ADGRL2: variants seen among roughly 807,000 people sequenced by gnomAD.
ADGRL2 encodes the protein calcium-independent alpha-latrotoxin receptor 2.
A neutral mutation model predicts 157.4 loss-of-function variants in ADGRL2; 44 were observed. The ratio of observed to expected loss-of-function variants is 0.28; its 90% CI spans 0.22 to 0.36. The LOEUF (loss-of-function observed/expected upper bound fraction) is 0.36. Among genes scored for constraint, ADGRL2 ranks in the 10% least tolerant of loss-of-function variants. ADGRL2 has a pLI of 1.00. For synonymous variants in ADGRL2, 585 were observed against 624.7 expected (o/e 0.94, Z 0.95); for missense variants, 1,510 against 1,768.9 (o/e 0.85, Z 2.63).
chr1:81,930,452 TA>T (rs1354357537), intron 3 of ADGRL2, among the ~76,000 whole-genome samples: 1 of 152,196 alleles, frequency 6.6e-6, no homozygotes, highest in Non-Finnish European at 1.5e-5. Flanking sequence ...GTGGATGCCT[TA>T]AAAGTTAATA....
chr1:81,582,087 G>A (rs991149446), intron 3 of ADGRL2, among the ~76,000 whole-genome samples: 3 of 151,988 alleles, frequency 2.0e-5, no homozygotes, highest in African/African-American at 7.2e-5. Context: ...AGGCGTGGTG[G>A]CGCATACCTG....
chr1:81,805,595 T>G (rs1405506186), intron 1 of ADGRL2, among the ~76,000 whole-genome samples: 3 of 150,624 alleles, frequency 2.0e-5, no homozygotes, highest in Non-Finnish European at 4.4e-5. Context: ...GGATGATCCT[T>G]TTTTTTTGGA....
chr1:81,591,454 G>A (rs1439078489), intron 3 of ADGRL2, among the ~76,000 whole-genome samples: 1 of 152,102 alleles, frequency 6.6e-6, no homozygotes, highest in Non-Finnish European at 1.5e-5. Context: ...AGAGAAGAAT[G>A]TCTCTTTAAA....
intron 1 of ADGRL2, among the ~76,000 whole-genome samples, chr1:81,712,166 G>C (rs1261889159): frequency 1.3e-5 from 2 of 152,152 alleles, no homozygotes; most frequent in East Asian, 3.9e-4. Flanking sequence ...TATATGCCCA[G>C]TCAAGTAAGG....
intron 2 of ADGRL2, among the ~76,000 whole-genome samples, chr1:81,563,358 A>G (rs977081897): frequency 1.3e-5 from 2 of 152,088 alleles, no homozygotes; most frequent in African/African-American, 2.4e-5. Context: ...TTCCATTTTT[A>G]ACGGAGTTCT....
In ADGRL2 at chr1:81,906,973, TATAA is replaced by T. The variant is rs767443295; in HGVS notation, c.74-41_74-38del. ...AATGCTTTACTAAAATAATTTATCTTATAAATGAGTTACAGTTTAATTTTCTTTC... is the reference window on the plus strand; with the variant it reads ...AATGCTTTACTAAAATAATTTATCTTATGAGTTACAGTTTAATTTTCTTTC... On this transcript the variant is annotated intron_variant, in intron 2 of 23. Transcript: ENST00000686636. 44 of 1,439,048 alleles carry T rather than the reference TATAA, an allele frequency of 3.1e-5. 1 individual carries two copies. Among genetic ancestry groups the T allele is most frequent in the Non-Finnish European group, 4.0e-5 (41 of 1,031,506 alleles). 89.1% of individuals were successfully genotyped at this position (1,439,048 alleles called of 1,614,324 possible). A position where few individuals can be genotyped will look rare whatever the true frequency, so the allele number is the denominator to read the frequency against.
chr1:81,909,468 A>G (rs996947699), intron 3 of ADGRL2, among the ~76,000 whole-genome samples: 2 of 152,188 alleles, frequency 1.3e-5, no homozygotes, highest in Non-Finnish European at 1.5e-5. Flanking sequence ...TGTATCCTTC[A>G]ACGAATTATA....
intron 2 of ADGRL2, among the ~76,000 whole-genome samples, chr1:81,567,808 A>T (rs6665761): frequency 6.6e-6 from 1 of 152,090 alleles, no homozygotes; most frequent in Non-Finnish European, 1.5e-5. Flanking sequence ...AAACTAGCTG[A>T]TAGAGTAGGA....
chr1:81,671,276 A>C (rs184239623), intron 3 of ADGRL2, among the ~76,000 whole-genome samples: 1 of 152,312 alleles, frequency 6.6e-6, no homozygotes, highest in African/African-American at 2.4e-5. Context: ...TGGACAGGAA[A>C]TTTTTGGAAG....
intron 1 of ADGRL2, among the ~76,000 whole-genome samples, chr1:81,376,682 A>G (rs555387035): frequency 6.6e-6 from 1 of 151,566 alleles, no homozygotes; most frequent in Non-Finnish European, 1.5e-5. Context: ...TCCACCCCTC[A>G]ATATTTTGTG....
At chr1:81,967,836 C>T (rs1396356349) in intron 13 of ADGRL2, among the ~76,000 whole-genome samples, 190 bp from the exon 14 acceptor site, 2 of 152,064 alleles carry the variant, frequency 1.3e-5, no homozygotes, top group Non-Finnish European at 2.9e-5. Flanking sequence ...TAGAGTCTTT[C>T]GGACTATAAA....
At chr1:81,731,697 A>C (rs930272902) in intron 1 of ADGRL2, among the ~76,000 whole-genome samples, 6 of 150,042 alleles carry the variant, frequency 4.0e-5, no homozygotes, top group Non-Finnish European at 9.0e-5. Context: ...GTTTTTTTAA[A>C]TTTTGCCAGA....
chr1:81,830,473 G>A (rs2091866803), intron 1 of ADGRL2, among the ~76,000 whole-genome samples: 1 of 152,096 alleles, frequency 6.6e-6, no homozygotes, highest in Non-Finnish European at 1.5e-5. Context: ...TTCTTACTGT[G>A]TATTCTTTAT....
chr1:81,359,695 AATAGAC>A (rs1308660541), intron 1 of ADGRL2, among the ~76,000 whole-genome samples: 1 of 151,954 alleles, frequency 6.6e-6, no homozygotes, highest in East Asian at 1.9e-4. Flanking sequence ...CTAAATAGCT[AATAGAC>A]ATCTCAAATT....
Position 81,952,008 on chromosome 1 carries a change from A to G in ADGRL2, c.1660A>G (p.Thr554Ala), listed in dbSNP as rs1303997544. 1.9e-6 allele frequency: 3 copies of G among 1,613,562 alleles called. No homozygotes were observed. The highest frequency in any genetic ancestry group is 1.6e-4 in the Middle Eastern group (1 of 6,082). The change falls in exon 9 of 24, where the codon ACC (threonine) becomes GCC (alanine). Residue 554 changes from threonine (T) to alanine (A), a missense_variant. Physicochemically the swap from Thr to Ala is moderately conservative, Grantham distance 58. Around this residue, in one of 4 missense-constraint regions of ADGRL2, gnomAD observed 325 missense variants for 333.2 expected, o/e 0.98. Transcript: ENST00000686636. The stretch of plus-strand genomic sequence containing the variant: ...TCTTGCCAATGAACTGGCTAAACAT[A>G]CCAAAGGGCCAGTGTTTGCTGGGGA... ...ASLANELAKH[T>A]KGPVFAGDVS...
intron 8 of ADGRL2, among the ~76,000 whole-genome samples, chr1:81,951,472 A>C (rs79911714): frequency 6.6e-6 from 1 of 152,126 alleles, no homozygotes; most frequent in African/African-American, 2.4e-5. Context: ...TATATCACAC[A>C]TGATTATGGT....
chr1:81,622,778 AT>A (rs1364888063), intron 3 of ADGRL2, among the ~76,000 whole-genome samples: 1 of 152,156 alleles, frequency 6.6e-6, no homozygotes, highest in Non-Finnish European at 1.5e-5. Flanking sequence ...CAAAACCTAT[AT>A]TTTTAAATTA....
At chr1:81,319,679 T>C (rs898626797) in intron 1 of ADGRL2, among the ~76,000 whole-genome samples, 1 of 152,214 alleles carries the variant, frequency 6.6e-6, no homozygotes, top group Non-Finnish European at 1.5e-5. Flanking sequence ...CATGAGTTTG[T>C]ATTGCATTCA....
intron 1 of ADGRL2, among the ~76,000 whole-genome samples, chr1:81,392,816 G>A (rs1446144373): frequency 6.6e-6 from 1 of 152,024 alleles, no homozygotes; most frequent in Non-Finnish European, 1.5e-5. Flanking sequence ...CACTCATCTA[G>A]TATAGACTGT....
Sources: gnomAD v4.1 joint callset for allele counts (sites outside exome capture counted in the v4.1 genomes callset) on GRCh38, gnomAD v4.1.1 for gene constraint, gnomAD v4.1.1 regional missense constraint, MANE v1.5 for transcripts, NCBI Gene and HGNC (gene_info 2026-07-23, HGNC 2026-07-21) for gene names.